The following SLC13A3 variants were observed in gnomAD, a reference collection of about 807,000 sequenced individuals.
SLC13A3 encodes Na(+)/dicarboxylate cotransporter 3.
Under a neutral mutation model 59.0 loss-of-function variants are expected in SLC13A3, and 40 were observed. The ratio of observed to expected loss-of-function variants is 0.68; its 90% CI spans 0.53 to 0.88. SLC13A3 has a LOEUF of 0.88. Among genes scored for constraint, SLC13A3 ranks in the 40% least tolerant of loss-of-function variants. The pLI, the probability that SLC13A3 is intolerant of heterozygous loss-of-function variation, is 0.00. For synonymous variants in SLC13A3, 317 were observed against 330.3 expected, an observed-to-expected ratio of 0.96 and a Z score of 0.44; for missense variants, 699 against 783.2, an observed-to-expected ratio of 0.89 and a Z score of 1.28.
intron 1 of SLC13A3, among the ~76,000 whole-genome samples, chr20:46,641,271 A>G (rs1172474005): frequency 6.6e-6 from 1 of 152,154 alleles, no homozygotes; most frequent in Non-Finnish European, 1.5e-5. Flanking sequence ...ATCCAAATTC[A>G]TGGAATGAAT....
chr20:46,610,572 A>C lies in SLC13A3; in HGVS notation c.415T>G (p.Ser139Ala). 6.2e-7 allele frequency: 1 copy of C among 1,614,036 alleles called. No individual in the cohort carries two copies. Among genetic ancestry groups the C allele is most frequent in the Non-Finnish European group, 8.5e-7 (1 of 1,179,988 alleles). ...GAGGCGGTGTTGCTCAGCCACATGG[A>C]CAAGAACGAGGTGGTCACCATCATC... is the stretch of plus-strand genomic sequence containing the variant. ...LGMMVTTSFLSMWLSNTASTA... is the reference protein window; with the variant it reads ...LGMMVTTSFLAMWLSNTASTA... The change falls in exon 3 of 13, where the codon TCC becomes GCC. Residue 139 changes from serine (S) to alanine (A), a missense_variant. By Grantham distance (99) the Ser-to-Ala change is moderately conservative. Transcript: ENST00000279027.
At chr20:46,652,547 A>ATTTTTTTTTTTTTTTTTT (rs11471373), upstream of SLC13A3, among the ~76,000 whole-genome samples, 3 of 117,794 alleles carry the variant, frequency 2.5e-5, no homozygotes, top group African/African-American at 9.2e-5. Context: ...TATCTGGCTA[A>ATTTTTTTTTTTTTTTTTT]TTTTTTTTTT....
rs1177167479 is a variant in SLC13A3, at chr20:46,596,389, G to T, written c.609-47C>A. 3.8e-6 allele frequency: 6 copies of T among 1,559,934 alleles called. No homozygotes were observed. The South Asian group carries it at 5.7e-5, about 15-fold the overall frequency. On this transcript the variant is annotated intron_variant, in intron 4 of 12. Transcript: ENST00000279027. ...AGCCATTCAGAATACATGGAGAACAGGCCACAGACTGCCTGGGAGTTGGGG... is the reference window on the plus strand; with the variant it reads ...AGCCATTCAGAATACATGGAGAACATGCCACAGACTGCCTGGGAGTTGGGG...
chr20:46,594,487 T>C (rs1359913664), intron 5 of SLC13A3, among the ~76,000 whole-genome samples: 1 of 152,046 alleles, frequency 6.6e-6, no homozygotes, highest in Non-Finnish European at 1.5e-5. Context: ...TGTCCAGCCC[T>C]GGGGATGGGT....
At chr20:46,635,539 C>T (rs146883472) in intron 1 of SLC13A3, among the ~76,000 whole-genome samples, 9 of 152,288 alleles carry the variant, frequency 5.9e-5, no homozygotes, top group Non-Finnish European at 8.8e-5. Context: ...GGACACCTTC[C>T]GGACTCTACA....
chr20:46,614,524 G>A (rs2062536112), intron 1 of SLC13A3, among the ~76,000 whole-genome samples: 1 of 152,232 alleles, frequency 6.6e-6, no homozygotes, highest in East Asian at 1.9e-4. Context: ...GGGGTGTGGA[G>A]TTGGGACAGG....
chr20:46,659,723 C>CCAAAAA (rs1555884130), intron 1 of SLC13A3, among the ~76,000 whole-genome samples: 1 of 120,996 alleles, frequency 8.3e-6, no homozygotes, highest in Non-Finnish European at 1.8e-5. Context: ...CCCCCCCCCC[C>CCAAAAA]AAAAAAAAAA....
intron 1 of SLC13A3, among the ~76,000 whole-genome samples, chr20:46,623,915 AG>A (rs989004654): frequency 1.2e-4 from 18 of 152,228 alleles, no homozygotes; most frequent in African/African-American, 4.1e-4. Flanking sequence ...ATTTGAACCC[AG>A]GTGGTCTGAC....
chr20:46,682,131 C>G (rs1427238657), intron 1 of SLC13A3: 1 of 152,158 alleles, frequency 6.6e-6, no homozygotes, highest in Non-Finnish European at 1.5e-5. Flanking sequence ...GCAAGTGAGG[C>G]ACAAATTTAA....
At chr20:46,667,375 A>AT (rs2063067520) in intron 1 of SLC13A3, among the ~76,000 whole-genome samples, 1 of 152,164 alleles carries the variant, frequency 6.6e-6, no homozygotes, top group South Asian at 2.1e-4. Context: ...ACCAGGGCAT[A>AT]TTTTACCGGT....
upstream of SLC13A3, among the ~76,000 whole-genome samples, chr20:46,671,449 A>G (rs1568965856): frequency 6.6e-6 from 1 of 152,190 alleles, no homozygotes; most frequent in African/African-American, 2.4e-5. Context: ...CAAGTCCTTG[A>G]AAACCCAGCC....
Position 46,558,870 on chromosome 20 carries a change from A to G in SLC13A3, c.*1152T>C, listed in dbSNP as rs2061907136. 6.6e-6 allele frequency: 1 copy of G among 151,736 alleles called. No individual in the cohort carries two copies. Among genetic ancestry groups the G allele is most frequent in the South Asian group, 2.1e-4 (1 of 4,812 alleles). The allele number at this position is 151,736 out of a possible 1,614,324, so 9.4% of individuals were successfully genotyped here. ...TCAGCAGACACTTCCTGAGGGCCTGAGCTCTTCACTGGGATGCCAGAATGC... is the reference window on the plus strand; with the variant it reads ...TCAGCAGACACTTCCTGAGGGCCTGGGCTCTTCACTGGGATGCCAGAATGC... On this transcript the variant is annotated 3_prime_UTR_variant, in exon 13 of 13. Coordinates refer to ENST00000279027, the MANE Select transcript of SLC13A3 (RefSeq NM_022829.6).
At chr20:46,604,576 C>T (rs192924813) in intron 3 of SLC13A3, among the ~76,000 whole-genome samples, 21 of 152,282 alleles carry the variant, frequency 1.4e-4, no homozygotes, top group African/African-American at 4.1e-4. Flanking sequence ...GTCCCTTCCA[C>T]ACCACGGGCC....
chr20:46,585,094 T>C (rs2062178007), intron 8 of SLC13A3: 1 of 938,898 alleles, frequency 1.1e-6, no homozygotes, highest in Non-Finnish European at 1.3e-6. Flanking sequence ...TAGAGTACTA[T>C]GCAGTGTTTT....
At chr20:46,639,716 C>T (rs186738767) in intron 1 of SLC13A3, among the ~76,000 whole-genome samples, 1 of 152,342 alleles carries the variant, frequency 6.6e-6, no homozygotes, top group East Asian at 1.9e-4. Context: ...CTCCACTGAA[C>T]CACAAAAGAG....
chr20:46,582,559 T>C, intron 9 of SLC13A3: 1 of 833,504 alleles, frequency 1.2e-6, no homozygotes, highest in Non-Finnish European at 1.4e-6. Flanking sequence ...GCTGTGATGG[T>C]GCTACTGCAC....
At position 46,559,661 on chromosome 20, in the gene SLC13A3, T is replaced by G. The variant is rs1322209716; in HGVS notation, c.*361A>C. ...AATCACTGGGGGATAATGTTAGCTGTGCCCATGGGAATGAATGGCCTCCTA... is the reference window on the plus strand; with the variant it reads ...AATCACTGGGGGATAATGTTAGCTGGGCCCATGGGAATGAATGGCCTCCTA... On this transcript the variant is annotated 3_prime_UTR_variant, in exon 13 of 13. Coordinates refer to ENST00000279027, the MANE Select transcript of SLC13A3 (RefSeq NM_022829.6). The G allele has an allele frequency of 5.3e-6, 1 of 188,344 alleles. No homozygotes were observed. Among genetic ancestry groups the G allele is most frequent in the African/African-American group, 2.3e-5 (1 of 42,902 alleles). 11.7% of individuals were successfully genotyped at this position (188,344 alleles called of 1,614,324 possible).
intron 8 of SLC13A3, among the ~76,000 whole-genome samples, chr20:46,586,798 A>G (rs2122658309): frequency 6.6e-6 from 1 of 152,268 alleles, no homozygotes; most frequent in East Asian, 1.9e-4. Context: ...CCCCCAGACC[A>G]GGGGTCAGCA....
At chr20:46,662,042 A>C (rs966324135) in intron 1 of SLC13A3, among the ~76,000 whole-genome samples, 9 of 152,282 alleles carry the variant, frequency 5.9e-5, no homozygotes, top group South Asian at 4.1e-4. Flanking sequence ...AGAAGCTCTC[A>C]TGTTATTGAA....
Sources: allele counts gnomAD v4.1 joint callset (sites outside exome capture counted in the v4.1 genomes callset), GRCh38; gene constraint gnomAD v4.1.1; transcripts MANE v1.5; gene names NCBI Gene and HGNC (gene_info 2026-07-23, HGNC 2026-07-21).